The following MMAA variants were observed in gnomAD, a reference collection of about 807,000 sequenced individuals.
MMAA encodes the protein methylmalonic aciduria type A protein, mitochondrial.
A neutral mutation model predicts 45.0 loss-of-function variants in MMAA; 41 were observed. That is an observed-to-expected ratio of 0.91 (90% CI 0.71 to 1.18). MMAA has a LOEUF of 1.18. Ranked by LOEUF, MMAA falls within the 50% of genes most tolerant of loss-of-function variation. The probability of loss-of-function intolerance (pLI) is 0.00; values close to 1 mark genes in which losing one functional copy is unlikely to be tolerated. For synonymous variants in MMAA, 154 were observed against 178.2 expected (o/e 0.86, Z 1.08); for missense variants, 460 against 495.7 (o/e 0.93, Z 0.68).
chr4:145,623,802 C>G (rs1270392634), intron 1 of MMAA, among the ~76,000 whole-genome samples: 1 of 152,128 alleles, frequency 6.6e-6, no homozygotes, highest in Non-Finnish European at 1.5e-5. Flanking sequence ...AGAAATATTT[C>G]ATTTTTAAAA....
chr4:145,624,064 C>A (rs1198498011), intron 1 of MMAA: 4 of 812,112 alleles, frequency 4.9e-6, no homozygotes, highest in Non-Finnish European at 8.9e-6. Flanking sequence ...GCTAACTGGT[C>A]AGACCCAGAA....
At chr4:145,642,592 GT>G (rs931020606) in intron 3 of MMAA, 107 bp downstream of exon 3, 10 of 1,499,862 alleles carry the variant, frequency 6.7e-6, no homozygotes, top group African/African-American at 2.8e-5. Context: ...GCTAAGTTTG[GT>G]CTCGCTAAAG....
At chr4:145,630,792 T>C (rs1388602121) in intron 1 of MMAA, among the ~76,000 whole-genome samples, 1 of 152,214 alleles carries the variant, frequency 6.6e-6, no homozygotes, top group Non-Finnish European at 1.5e-5. Context: ...CACGTATAGC[T>C]ATAAACTTCC....
At chr4:145,633,589 T>C (rs1727521921) in intron 1 of MMAA, among the ~76,000 whole-genome samples, 1 of 152,258 alleles carries the variant, frequency 6.6e-6, no homozygotes. Context: ...GATTGGTGCC[T>C]GGTGCCTTAT....
rs1012455495 is a variant in MMAA at position 145,659,607 on chromosome 4, C to T, written c.*4173C>T. 3.3e-5 allele frequency: 5 copies of T among 152,190 alleles called. No individual in the cohort carries two copies. Among genetic ancestry groups the T allele is most frequent in the Non-Finnish European group, 7.3e-5 (5 of 68,040 alleles). 9.4% of individuals were successfully genotyped at this position (152,190 alleles called of 1,614,324 possible). Reference sequence around the variant, plus strand: ...GTGACCTCATTCTCAAAGCTCGTAACATCCACCTGGCCAATCTTAAGATGT... The same window carrying T: ...GTGACCTCATTCTCAAAGCTCGTAATATCCACCTGGCCAATCTTAAGATGT... On this transcript the variant is annotated 3_prime_UTR_variant, in exon 7 of 7. Coordinates refer to ENST00000649156, the MANE Select transcript of MMAA (RefSeq NM_172250.3).
rs957418768 is a variant in MMAA at position 145,656,658 on chromosome 4, C to T, written c.*1224C>T. 1 of 152,090 alleles carries T rather than the reference C, an allele frequency of 6.6e-6. No homozygotes were observed. The highest frequency in any genetic ancestry group is 2.4e-5 in the African/African-American group (1 of 41,422). The allele number at this position is 152,090 out of a possible 1,614,324, so 9.4% of individuals were successfully genotyped here. A position where few individuals can be genotyped will look rare whatever the true frequency, so the allele number is the denominator to read the frequency against. On this transcript the variant is annotated 3_prime_UTR_variant, in exon 7 of 7. Coordinates refer to ENST00000649156, the MANE Select transcript of MMAA (RefSeq NM_172250.3). ...GTTAATTCTTTGAATATGTTTTATA[C>T]TTATTTGATGGTAGTTGTAACTGTG...
chr4:145,645,699 G>A (rs1727910848), intron 3 of MMAA, among the ~76,000 whole-genome samples: 1 of 152,184 alleles, frequency 6.6e-6, no homozygotes, highest in South Asian at 2.1e-4. Context: ...ACAGAGGATT[G>A]GTGTGGGGAC....
rs1041360158 is a variant in MMAA, at chr4:145,642,664, C to A, written c.562+179C>A. On this transcript the variant is annotated intron_variant, in intron 3 of 6. Transcript: ENST00000649156. Reference sequence around the variant, plus strand: ...GAAGTAGTTTGGGAGTGTTGTACTCCTCAGAGGAGGCCAGCTTGTGGATAG... The same window carrying A: ...GAAGTAGTTTGGGAGTGTTGTACTCATCAGAGGAGGCCAGCTTGTGGATAG... The A allele has an allele frequency of 9.6e-5, 80 of 830,014 alleles. No individual in the cohort carries two copies. The African/African-American group carries it at 1.3e-3, about 13-fold the overall frequency. 51.4% of individuals were successfully genotyped at this position (830,014 alleles called of 1,614,324 possible). A position where few individuals can be genotyped will look rare whatever the true frequency, so the allele number is the denominator to read the frequency against.
rs142126209 is a variant in MMAA at position 145,639,231 on chromosome 4, G to A, written c.92G>A (p.Ser31Asn). The change falls in exon 2 of 7, where the codon AGT becomes AAT. Residue 31 changes from serine to asparagine, a missense_variant. Ser to Asn is a conservative substitution (Grantham distance 46, BLOSUM62 1). Transcript: ENST00000649156. ...TGTTACCACTTCATCTTTCACTCAA[G>A]TACTCATCTCGGATCAGGAATCCCA... Reference protein sequence around the residue: ...FRCYHFIFHSSTHLGSGIPCA... With the variant: ...FRCYHFIFHSNTHLGSGIPCA... The A allele has an allele frequency of 9.0e-5, 146 of 1,613,960 alleles. No individual in the cohort carries two copies. Among genetic ancestry groups the A allele is most frequent in the Non-Finnish European group, 1.2e-4 (138 of 1,180,008 alleles).
At chr4:145,641,350 A>G (rs1185461357) in intron 2 of MMAA, among the ~76,000 whole-genome samples, 1 of 152,226 alleles carries the variant, frequency 6.6e-6, no homozygotes, top group Non-Finnish European at 1.5e-5. Flanking sequence ...TTATGAGGCC[A>G]GATAAACCTG....
In MMAA at chr4:145,625,714, A is replaced by G. The variant is rs1284515737; in HGVS notation, c.-66+6307A>G. On this transcript the variant is annotated intron_variant, in intron 1 of 6. Coordinates refer to ENST00000649156, the MANE Select transcript of MMAA (RefSeq NM_172250.3). The stretch of plus-strand genomic sequence containing the variant: ...TTGGCTAGATCTTTGTTTTGGGTAC[A>G]CTCCAGTTGATGAATAAGACAATTG... The G allele has an allele frequency of 6.1e-6, 9 of 1,472,386 alleles. No individual in the cohort carries two copies. The African/African-American group carries it at 1.1e-4, about 18-fold the overall frequency. 91.2% of individuals were successfully genotyped at this position (1,472,386 alleles called of 1,614,324 possible). A position where few individuals can be genotyped will look rare whatever the true frequency, so the allele number is the denominator to read the frequency against.
intron 1 of MMAA, chr4:145,624,109 C>T: frequency 9.0e-7 from 1 of 1,111,440 alleles, no homozygotes; most frequent in Non-Finnish European, 1.4e-6. Flanking sequence ...TCACTCAGCT[C>T]ATGATGTGTG....
chr4:145,636,487 T>G (rs553713845), intron 1 of MMAA, among the ~76,000 whole-genome samples: 2 of 152,346 alleles, frequency 1.3e-5, no homozygotes, highest in Admixed American at 1.3e-4. Context: ...ATTTAATTTC[T>G]TGACCTCAGT....
chr4:145,625,629 T>G (rs1048613615), intron 1 of MMAA: 1 of 903,270 alleles, frequency 1.1e-6, no homozygotes, highest in Non-Finnish European at 1.9e-6. Flanking sequence ...GAGTAGGACA[T>G]TTGAATCTTC....
intron 1 of MMAA, chr4:145,625,834 C>G: frequency 8.1e-7 from 1 of 1,227,478 alleles, no homozygotes; most frequent in Non-Finnish European, 1.2e-6. Flanking sequence ...TTTAGTCACA[C>G]CTCATGGCTT....
intron 1 of MMAA, among the ~76,000 whole-genome samples, chr4:145,620,287 C>A (rs534594657): frequency 1.1e-4 from 16 of 152,002 alleles, no homozygotes; most frequent in Non-Finnish European, 1.6e-4. Context: ...TTAGGAGAGA[C>A]AAAACAAGCA....
At chr4:145,632,768 T>C (rs1727490918) in intron 1 of MMAA, among the ~76,000 whole-genome samples, 1 of 152,064 alleles carries the variant, frequency 6.6e-6, no homozygotes, top group South Asian at 2.1e-4. Context: ...ATTCTTTTTT[T>C]TTTTTTGAGA....
intron 1 of MMAA, among the ~76,000 whole-genome samples, chr4:145,628,214 T>C (rs150675549): frequency 1.5e-3 from 232 of 152,376 alleles, no homozygotes; most frequent in African/African-American, 5.4e-3. Context: ...ATTTTATCTT[T>C]TAAAAAAGAT....
Position 145,639,526 on chromosome 4 carries a change from C to A in MMAA, c.387C>A (p.Tyr129Ter), listed in dbSNP as rs796051992. The change falls in exon 2 of 7, where the codon TAC (tyrosine) becomes TAA (stop). Residue 129 changes from tyrosine (Y) to a stop codon, truncating the protein, a stop_gained. Coordinates refer to ENST00000649156, the MANE Select transcript of MMAA (RefSeq NM_172250.3). LOFTEE classifies it high-confidence loss of function. ...TGCTTCTTCAGAAAGTATTACTTTA[C>A]CACAGAGAACAAGAACAATCAAATA... ...AQVLLQKVLL[Y>*]HREQEQSNKG... 4 of 1,613,222 alleles carry A rather than the reference C, an allele frequency of 2.5e-6. No individual in the cohort carries two copies. The highest frequency in any genetic ancestry group is 3.3e-5 in the Admixed American group (2 of 59,900).
Sources: gnomAD v4.1 joint callset for allele counts (sites outside exome capture counted in the v4.1 genomes callset) on GRCh38, gnomAD v4.1.1 for gene constraint, MANE v1.5 for transcripts, NCBI Gene and HGNC (gene_info 2026-07-23, HGNC 2026-07-21) for gene names.